Variants in PSAP observed in about 807,000 individuals in gnomAD.
PSAP encodes precursor of saposins.
PSAP carries 25 observed loss-of-function variants against 66.0 expected under a neutral mutation model. The observed-to-expected ratio is 0.38, with a 90% CI of 0.28 to 0.53. PSAP has a LOEUF of 0.53. Ranked by LOEUF, PSAP falls within the 20% of genes least tolerant of loss-of-function variation. The pLI is 0.83. For synonymous variants in PSAP, 273 were observed against 258.9 expected, an observed-to-expected ratio of 1.05 and a Z score of -0.52; for missense variants, 649 against 668.8, an observed-to-expected ratio of 0.97 and a Z score of 0.33.
intron 4 of PSAP, among the ~76,000 whole-genome samples, 185 bp from the exon 5 acceptor site, chr10:71,829,262 A>G (rs1842464298): frequency 6.6e-6 from 1 of 152,168 alleles, no homozygotes; most frequent in Non-Finnish European, 1.5e-5. Context: ...GTGCCTAACC[A>G]CACAGTGGCC....
chr10:71,818,866 G>A (rs934346571), intron 12 of PSAP, 142 bp from the exon 13 acceptor site: 1 of 1,026,064 alleles, frequency 9.7e-7, no homozygotes, highest in East Asian at 2.5e-5. Flanking sequence ...GGTTGCTGAG[G>A]AAAGCGATGG....
At chr10:71,842,005 TAA>T (rs35837949) in intron 1 of PSAP, among the ~76,000 whole-genome samples, 19 of 141,340 alleles carry the variant, frequency 1.3e-4, no homozygotes, top group Non-Finnish European at 1.4e-4. Flanking sequence ...GACTCCGTCT[TAA>T]AAAAAAAAAA....
At position 71,828,058 on chromosome 10, in the gene PSAP, C is replaced by T; in HGVS notation, c.676G>A (p.Val226Ile). The T allele has an allele frequency of 6.2e-7, 1 of 1,614,226 alleles. No homozygotes were observed. Among genetic ancestry groups the T allele is most frequent in the Non-Finnish European group, 8.5e-7 (1 of 1,180,032 alleles). Residue 226 changes from valine to isoleucine, a missense_variant, in exon 6 of 14, where the codon GTC (valine) becomes ATC (isoleucine). Physicochemically the swap from Val to Ile is conservative, Grantham distance 29 (BLOSUM62 3). Coordinates refer to ENST00000394936, the MANE Select transcript of PSAP (RefSeq NM_002778.4). ...CCCAGGCGGTCACACTCCTCCTTGA[C>T]ATGTTCCACCAAGGCCTGGACAAAG... is the stretch of plus-strand genomic sequence containing the variant. Reference protein sequence around the residue: ...STFVQALVEHVKEECDRLGPG... With the variant: ...STFVQALVEHIKEECDRLGPG...
Position 71,825,718 on chromosome 10 carries a change from C to A in PSAP, c.777+119G>T, listed in dbSNP as rs768747723. On this transcript the variant is annotated intron_variant, in intron 7 of 13. Transcript: ENST00000394936. ...CCTAGCCAGAGGGGTCGATTTAGCC[C>A]AATTCAGCACTCTAAGGTAAAAAAG... 16 of 938,686 alleles carry A rather than the reference C, an allele frequency of 1.7e-5. No homozygotes were observed. The South Asian group carries it at 1.8e-4, about 11-fold the overall frequency. 58.1% of individuals were successfully genotyped at this position (938,686 alleles called of 1,614,324 possible).
chr10:71,845,126 T>C (rs1842798211), intron 1 of PSAP, among the ~76,000 whole-genome samples: 1 of 152,208 alleles, frequency 6.6e-6, no homozygotes. Context: ...TAAGATTTGG[T>C]CCCACCCACA....
chr10:71,838,358 G>A (rs1313574698), intron 1 of PSAP, among the ~76,000 whole-genome samples: 4 of 152,222 alleles, frequency 2.6e-5, no homozygotes, highest in South Asian at 4.1e-4. Context: ...AGGGAGGGGA[G>A]GGCCTGGGGC....
At position 71,831,960 on chromosome 10, in the gene PSAP, C is replaced by T. The variant is rs374838616; in HGVS notation, c.175-40G>A. The T allele has an allele frequency of 3.3e-5, 52 of 1,570,264 alleles. No homozygotes were observed. The African/African-American group carries it at 6.9e-4, about 21-fold the overall frequency. On this transcript the variant is annotated intron_variant, in intron 2 of 13. Transcript: ENST00000394936. ...ACGAGAAATTTGTATTTGCAGGACA[C>T]AAATTCACACCCCACACAGCTGGAA...
At position 71,829,068 on chromosome 10, in the gene PSAP, C is replaced by G; in HGVS notation, c.385G>C (p.Gly129Arg). The change falls in exon 5 of 14, where the codon GGG becomes CGG. Residue 129 changes from glycine (G) to arginine (R), a missense_variant. By Grantham distance (125) the Gly-to-Arg change is moderately radical. Coordinates refer to ENST00000394936, the MANE Select transcript of PSAP (RefSeq NM_002778.4). ...DIIKGEMSRP[G>R]EVCSALNLCE... ...AGGTTGAGAGCAGAGCACACCTCCC[C>G]AGGACGGCTCTGGTGGGATGGAAAG... The G allele has an allele frequency of 1.2e-6, 2 of 1,613,970 alleles. No individual in the cohort carries two copies. Among genetic ancestry groups the G allele is most frequent in the Non-Finnish European group, 1.7e-6 (2 of 1,179,914 alleles).
At chr10:71,820,783 C>A (rs1842287852) in intron 8 of PSAP, among the ~76,000 whole-genome samples, 1 of 152,176 alleles carries the variant, frequency 6.6e-6, no homozygotes, top group Admixed American at 6.5e-5. Flanking sequence ...GTGTGTCTCC[C>A]ATGTCTCATT....
At chr10:71,847,319 A>C (rs960993680) in intron 1 of PSAP, among the ~76,000 whole-genome samples, 25 of 152,062 alleles carry the variant, frequency 1.6e-4, no homozygotes, top group African/African-American at 6.0e-4. Context: ...CCTCCCATTT[A>C]CCCGAGTGTT....
At chr10:71,822,135 C>T (rs565578366) in intron 7 of PSAP, 128 bp from the exon 8 acceptor site, 32 of 1,291,282 alleles carry the variant, frequency 2.5e-5, no homozygotes, top group Non-Finnish European at 3.1e-5. Context: ...CCCTCTCCCC[C>T]TCCCACAACG....
intron 1 of PSAP, 139 bp downstream of exon 1, chr10:71,851,043 G>T: frequency 1.0e-6 from 1 of 1,003,784 alleles, no homozygotes; most frequent in South Asian, 1.4e-5. Flanking sequence ...GAAAGCCAGC[G>T]AACGCGCCTG....
At chr10:71,838,145 G>A (rs747812058) in intron 1 of PSAP, among the ~76,000 whole-genome samples, 3 of 152,210 alleles carry the variant, frequency 2.0e-5, no homozygotes, top group Non-Finnish European at 4.4e-5. Flanking sequence ...ACTGGAAGGC[G>A]AATTCAAAAA....
intron 1 of PSAP, among the ~76,000 whole-genome samples, chr10:71,849,571 T>C (rs1842885582): frequency 6.6e-6 from 1 of 150,784 alleles, no homozygotes; most frequent in Admixed American, 6.6e-5. Flanking sequence ...ATTGCACCAC[T>C]CCGGCCTGGG....
intron 9 of PSAP, 111 bp downstream of exon 9, chr10:71,820,129 G>A (rs1332152911): frequency 1.9e-6 from 2 of 1,057,088 alleles, no homozygotes; most frequent in South Asian, 1.3e-5. Context: ...GGACATGGCT[G>A]TACACATGTC....
intron 8 of PSAP, among the ~76,000 whole-genome samples, chr10:71,820,725 G>A (rs901545694): frequency 1.3e-5 from 2 of 152,124 alleles, no homozygotes; most frequent in Non-Finnish European, 2.9e-5. Flanking sequence ...GCTCACTATC[G>A]GTCCACTATC....
intron 9 of PSAP, 28 bp downstream of exon 9, chr10:71,820,212 C>T (rs781091170): frequency 5.7e-6 from 9 of 1,570,584 alleles, no homozygotes; most frequent in African/African-American, 1.3e-5. Flanking sequence ...GCAGGAGAGG[C>T]CCTCCCTCTG....
intron 9 of PSAP, 60 bp from the exon 10 acceptor site, chr10:71,819,960 T>G: frequency 1.4e-6 from 2 of 1,430,990 alleles, no homozygotes; most frequent in Non-Finnish European, 2.0e-6. Context: ...TTGGGGGACA[T>G]TCTGAAAATA....
intron 7 of PSAP, among the ~76,000 whole-genome samples, chr10:71,825,221 C>G (rs556932986): frequency 6.6e-6 from 1 of 152,256 alleles, no homozygotes; most frequent in South Asian, 2.1e-4. Flanking sequence ...GGAAAAGGTG[C>G]CCCCCACCCA....
Sources: gnomAD v4.1 joint callset for allele counts (sites outside exome capture counted in the v4.1 genomes callset) on GRCh38, gnomAD v4.1.1 for gene constraint, MANE v1.5 for transcripts, NCBI Gene and HGNC (gene_info 2026-07-23, HGNC 2026-07-21) for gene names.